The following ITK variants were observed in gnomAD, a reference collection of about 807,000 sequenced individuals.
ITK encodes tyrosine-protein kinase ITK/TSK.
In ITK, 45 loss-of-function variants were observed where a neutral mutation model predicts 87.6. That is an observed-to-expected ratio of 0.51 (90% CI 0.40 to 0.66). The LOEUF is 0.66. Among genes scored for constraint, ITK ranks in the 30% least tolerant of loss-of-function variants. ITK has a pLI of 0.00. For missense variants in ITK, 605 were observed against 766.3 expected, an observed-to-expected ratio of 0.79 and a Z score of 2.48; for synonymous variants, 303 against 273.6, an observed-to-expected ratio of 1.11 and a Z score of -1.06.
chr5:157,240,077 T>C lies in ITK; in HGVS notation c.867T>C (p.Cys289=), dbSNP rs1302700320. Residue 289 remains cysteine, a synonymous_variant, in exon 10 of 17, where the codon TGT becomes TGC. Coordinates refer to ENST00000422843, the MANE Select transcript of ITK (RefSeq NM_005546.4). The part of the protein sequence containing the change: ...TKAVVSENNP[C]IKHYHIKETN... Reference sequence around the variant, plus strand: ...TTTGTTTAAGTGAGAACAATCCCTGTATAAAGCATTATCACATCAAGGAAA... The same window carrying C: ...TTTGTTTAAGTGAGAACAATCCCTGCATAAAGCATTATCACATCAAGGAAA... 3 of 1,611,480 alleles carry C rather than the reference T, an allele frequency of 1.9e-6. No individual in the cohort carries two copies. The African/African-American group carries it at 4.0e-5, about 22-fold the overall frequency.
Position 157,243,737 on chromosome 5 carries a change from C to T in ITK, c.1175C>T (p.Thr392Ile), listed in dbSNP as rs752466358. 6.2e-7 allele frequency: 1 copy of T among 1,613,984 alleles called. No homozygotes were observed. Among genetic ancestry groups the T allele is most frequent in the Non-Finnish European group, 8.5e-7 (1 of 1,180,020 alleles). ...AACAAGGACAAGGTGGCTATCAAAA[C>T]CATTCGGGAAGGGGCTATGTCAGAA... The part of the protein sequence containing the change: ...WLNKDKVAIK[T>I]IREGAMSEED... Residue 392 changes from threonine (T) to isoleucine (I), a missense_variant, in exon 12 of 17, where the codon ACC becomes ATC. By Grantham distance (89) the Thr-to-Ile change is moderately conservative. Around this residue, in one of 3 missense-constraint regions of ITK, gnomAD observed 464 missense variants for 578.0 expected, o/e 0.80. Transcript: ENST00000422843.
intron 8 of ITK, among the ~76,000 whole-genome samples, chr5:157,236,250 C>G (rs1754773774): frequency 2.0e-5 from 3 of 152,066 alleles, no homozygotes; most frequent in African/African-American, 7.2e-5. Flanking sequence ...TGGCGGGCAC[C>G]TGTAATTCCA....
At chr5:157,220,595 T>C (rs27978) in intron 5 of ITK, among the ~76,000 whole-genome samples, 39,226 of 151,894 alleles carry the variant, frequency 0.26, 5,883 homozygotes, top group Non-Finnish European at 0.34. Flanking sequence ...AGCAGAGTGG[T>C]CAGGAGGCAG....
Position 157,211,340 on chromosome 5 carries a change from G to T in ITK, c.297G>T (p.Arg99=). 1 of 1,614,080 alleles carries T rather than the reference G, an allele frequency of 6.2e-7. No homozygotes were observed. The highest frequency in any genetic ancestry group is 8.5e-7 in the Non-Finnish European group (1 of 1,179,950). Residue 99 remains arginine, a synonymous_variant, in exon 3 of 17, where the codon CGG becomes CGT. Coordinates refer to ENST00000422843, the MANE Select transcript of ITK (RefSeq NM_005546.4). ...LYVFAPDRES[R]QRWVLALKEE... ...TGTTTGCTCCAGATCGTGAGAGCCG[G>T]CAGCGCTGGGTGCTGGCCCTTAAAG...
In ITK at chr5:157,245,904, C is replaced by T. The variant is rs775482163; in HGVS notation, c.1538C>T (p.Thr513Ile). The part of the protein sequence containing the change: ...MTRFVLDDQY[T>I]SSTGTKFPVK... ...AGGTTCGTTCTGGATGATCAGTACACCAGTTCCACAGGCACCAAATTCCCG... is the reference window on the plus strand; with the variant it reads ...AGGTTCGTTCTGGATGATCAGTACATCAGTTCCACAGGCACCAAATTCCCG... Residue 513 changes from threonine to isoleucine, a missense_variant, in exon 15 of 17, where the codon ACC becomes ATC. Around this residue, in one of 3 missense-constraint regions of ITK, gnomAD observed 70 missense variants for 122.5 expected, o/e 0.57. Transcript: ENST00000422843. 3 of 1,614,138 alleles carry T rather than the reference C, an allele frequency of 1.9e-6. No individual in the cohort carries two copies. Among genetic ancestry groups the T allele is most frequent in the East Asian group, 2.2e-5 (1 of 44,886 alleles).
At chr5:157,204,559 C>T (rs62381219) in intron 1 of ITK, among the ~76,000 whole-genome samples, 248 of 152,132 alleles carry the variant, frequency 1.6e-3, no homozygotes, top group Middle Eastern at 3.4e-3. Flanking sequence ...ATTAGCTGGG[C>T]GTGGTGGCAC....
At chr5:157,212,308 T>G (rs1754207418) in intron 3 of ITK, among the ~76,000 whole-genome samples, 1 of 152,220 alleles carries the variant, frequency 6.6e-6, no homozygotes, top group Non-Finnish European at 1.5e-5. Context: ...CTAATCTGCC[T>G]CTACGAAGCT....
chr5:157,186,682 A>AAGAGAG lies in ITK; in HGVS notation c.138+5590_138+5595dup, dbSNP rs61141972. 6.3e-3 allele frequency among the ~76,000 whole-genome samples: 929 copies of AAGAGAG among 148,618 alleles called. 6 individuals carry two copies. Among genetic ancestry groups the AAGAGAG allele is most frequent in the Non-Finnish European group, 8.0e-3 (535 of 67,180 alleles). On this transcript the variant is annotated intron_variant, in intron 1 of 16. Coordinates refer to ENST00000422843, the MANE Select transcript of ITK (RefSeq NM_005546.4). ...CAAGAGTGAAACTCCGTCTCAAAAAAAGAGAGAGAGAGAGAGAGAGAGAGA... is the reference window on the plus strand; with the variant it reads ...CAAGAGTGAAACTCCGTCTCAAAAAAAGAGAGAGAGAGAGAGAGAGAGAGAGAGAGA...
intron 4 of ITK, among the ~76,000 whole-genome samples, chr5:157,215,200 G>A (rs901434618): frequency 3.9e-5 from 6 of 152,142 alleles, no homozygotes; most frequent in Non-Finnish European, 5.9e-5. Flanking sequence ...ATCCATTGTC[G>A]AATAGGAATA....
intron 12 of ITK, 153 bp from the exon 13 acceptor site, chr5:157,244,109 G>T: frequency 1.3e-6 from 1 of 755,050 alleles, no homozygotes; most frequent in Non-Finnish European, 2.3e-6. Context: ...CAGCTCCAAT[G>T]ACATGTTTTT....
rs1755168498 is a variant in ITK at position 157,252,750 on chromosome 5, A to G, written c.*72A>G. Reference sequence around the variant, plus strand: ...AGGATATGTCCTCATTCCATAGAGCATTAGAAGCTGCCACCAGCCCAGGAC... The same window carrying G: ...AGGATATGTCCTCATTCCATAGAGCGTTAGAAGCTGCCACCAGCCCAGGAC... On this transcript the variant is annotated 3_prime_UTR_variant, in exon 17 of 17. Transcript: ENST00000422843. 2.4e-6 allele frequency: 3 copies of G among 1,224,634 alleles called. No homozygotes were observed. 75.9% of individuals were successfully genotyped at this position (1,224,634 alleles called of 1,614,324 possible). A position where few individuals can be genotyped will look rare whatever the true frequency, so the allele number is the denominator to read the frequency against.
At chr5:157,240,322 C>A in intron 10 of ITK, 127 bp downstream of exon 10, 1 of 893,196 alleles carries the variant, frequency 1.1e-6, no homozygotes, top group Non-Finnish European at 1.8e-6. Context: ...AGAGTGCAAG[C>A]CCTATTGTGA....
intron 1 of ITK, among the ~76,000 whole-genome samples, chr5:157,187,400 G>C (rs1205303840): frequency 1.3e-5 from 2 of 152,220 alleles, no homozygotes; most frequent in East Asian, 3.8e-4. Context: ...AGGGAGAAAA[G>C]AAAGGAGGGA....
intron 1 of ITK, among the ~76,000 whole-genome samples, chr5:157,191,111 T>C (rs1580875001): frequency 6.7e-6 from 1 of 149,562 alleles, no homozygotes; most frequent in East Asian, 1.9e-4. Flanking sequence ...TTCAGTTGTC[T>C]TATGTTTTTT....
Position 157,180,966 on chromosome 5 carries a change from A to C in ITK, c.-12A>C. ...TGATGCCCAAGGTGCACCACCTTTCAAGAACTGGATCATGAACAACTTTAT... is the reference window on the plus strand; with the variant it reads ...TGATGCCCAAGGTGCACCACCTTTCCAGAACTGGATCATGAACAACTTTAT... On this transcript the variant is annotated 5_prime_UTR_variant, in exon 1 of 17. Transcript: ENST00000422843. 1 of 1,613,732 alleles carries C rather than the reference A, an allele frequency of 6.2e-7. No individual in the cohort carries two copies. The highest frequency in any genetic ancestry group is 8.5e-7 in the Non-Finnish European group (1 of 1,179,706).
chr5:157,208,897 C>G lies in ITK; in HGVS notation c.147C>G (p.Arg49=), dbSNP rs770680687. 1 of 1,612,140 alleles carries G rather than the reference C, an allele frequency of 6.2e-7. No individual in the cohort carries two copies. Among genetic ancestry groups the G allele is most frequent in the Middle Eastern group, 1.7e-4 (1 of 6,060 alleles). ...AYFEDRHGKK[R]TLKGSIELSR... ...TTCTTCTCTCCCCACAGAAGAAGCG[C>G]ACGCTGAAGGGGTCCATTGAGCTCT... The change falls in exon 2 of 17, where the codon CGC becomes CGG. Residue 49 remains arginine (R), a synonymous_variant. Coordinates refer to ENST00000422843, the MANE Select transcript of ITK (RefSeq NM_005546.4).
chr5:157,204,641 G>C (rs1754044358), intron 1 of ITK, among the ~76,000 whole-genome samples: 1 of 151,818 alleles, frequency 6.6e-6, no homozygotes, highest in South Asian at 2.1e-4. Context: ...GGAGGTTGCG[G>C]TGAGCCGAGA....
intron 8 of ITK, among the ~76,000 whole-genome samples, chr5:157,237,208 C>T (rs979617660): frequency 7.9e-5 from 12 of 152,154 alleles, no homozygotes; most frequent in African/African-American, 2.9e-4. Context: ...GGGTAACATG[C>T]GCCCTGAAAA....
chr5:157,242,589 C>T (rs959940793), intron 11 of ITK, among the ~76,000 whole-genome samples: 4 of 152,116 alleles, frequency 2.6e-5, no homozygotes, highest in African/African-American at 7.2e-5. Flanking sequence ...GATCCTCCCA[C>T]CTCAGCCTCC....
Sources: gnomAD v4.1 joint callset for allele counts (sites outside exome capture counted in the v4.1 genomes callset) on GRCh38, gnomAD v4.1.1 for gene constraint, gnomAD v4.1.1 regional missense constraint, MANE v1.5 for transcripts, NCBI Gene and HGNC (gene_info 2026-07-23, HGNC 2026-07-21) for gene names.